SYCP2L: variants seen among roughly 807,000 people sequenced by gnomAD.
The protein encoded by SYCP2L is synaptonemal complex protein 2-like.
Under a neutral mutation model 125.8 loss-of-function variants are expected in SYCP2L, and 98 were observed. The observed-to-expected ratio is 0.78, with a 90% CI of 0.66 to 0.92. The LOEUF is 0.92. Ranked by LOEUF, SYCP2L falls within the 40% of genes least tolerant of loss-of-function variation. The pLI is 0.00. For missense variants in SYCP2L, 842 were observed against 936.4 expected (o/e 0.90, Z 1.32); for synonymous variants, 317 against 325.4 (o/e 0.97, Z 0.28).
At chr6:10,966,367 A>G (rs1185081337) in intron 29 of SYCP2L, among the ~76,000 whole-genome samples, 1 of 152,234 alleles carries the variant, frequency 6.6e-6, no homozygotes, top group Non-Finnish European at 1.5e-5. Flanking sequence ...GAATTTGCAT[A>G]AAACCTAATA....
At position 10,930,432 on chromosome 6, in the gene SYCP2L, A is replaced by C. The variant is rs754673484; in HGVS notation, c.1551A>C (p.Leu517=). The C allele has an allele frequency of 6.2e-7, 1 of 1,613,640 alleles. No homozygotes were observed. Among genetic ancestry groups the C allele is most frequent in the African/African-American group, 1.3e-5 (1 of 74,940 alleles). The change falls in exon 19 of 30, where the codon CTA becomes CTC. Residue 517 remains leucine, a synonymous_variant. Coordinates refer to ENST00000283141, the MANE Select transcript of SYCP2L (RefSeq NM_001040274.3). ...ESNQDSSTSE[L]SWTSNQKKKS... ...ATCAAGATTCAAGTACCAGTGAACT[A>C]TCTTGGACCAGTAACCAGAAAAAGA...
intron 1 of SYCP2L, 53 bp downstream of exon 1, chr6:10,887,188 G>A: frequency 1.2e-6 from 2 of 1,610,536 alleles, no homozygotes; most frequent in African/African-American, 1.3e-5. Flanking sequence ...TAGGGCGCGC[G>A]AGGGCGCGGG....
At chr6:10,955,289 T>C (rs1781483806) in intron 24 of SYCP2L, 72 bp downstream of exon 24, 3 of 937,388 alleles carry the variant, frequency 3.2e-6, no homozygotes, top group Middle Eastern at 2.1e-4. Context: ...TGTAACAACA[T>C]GAATCACAAG....
chr6:10,920,675 A>C (rs2113338459), intron 14 of SYCP2L, among the ~76,000 whole-genome samples: 1 of 152,252 alleles, frequency 6.6e-6, no homozygotes, highest in Middle Eastern at 3.4e-3. Flanking sequence ...CAGGTTTGTT[A>C]CATAGGTAAA....
At position 10,924,512 on chromosome 6, in the gene SYCP2L, G is replaced by A; in HGVS notation, c.1089G>A (p.Lys363=). The part of the protein sequence containing the change: ...NFSITETEKI[K]IFIIYLKKPM... ...TTCTCTTAGAAACGGAGAAGATAAA[G>A]ATATTTATCATTTACCTGAAGAAGC... The change falls in exon 15 of 30, where the codon AAG becomes AAA. Residue 363 remains lysine, a synonymous_variant. Transcript: ENST00000283141. 2 of 1,583,096 alleles carry A rather than the reference G, an allele frequency of 1.3e-6. No individual in the cohort carries two copies. The highest frequency in any genetic ancestry group is 1.7e-6 in the Non-Finnish European group (2 of 1,170,532).
rs1561685170 is a variant in SYCP2L, at chr6:10,912,804, G to C, written c.1011+39G>C. On this transcript the variant is annotated intron_variant, in intron 13 of 29. Transcript: ENST00000283141. The surrounding 1 kb of genome is among the most constrained non-coding windows in gnomAD (Gnocchi z 4.1). ...ATTCTTGGTTAGAACTAAGCCTTTA[G>C]AGATCTTTTTTATGTAAGTATGTGT... is the stretch of plus-strand genomic sequence containing the variant. The C allele has an allele frequency of 6.2e-7, 1 of 1,608,978 alleles. No homozygotes were observed. Among genetic ancestry groups the C allele is most frequent in the Admixed American group, 1.7e-5 (1 of 59,870 alleles).
rs758123953 is a variant in SYCP2L, at chr6:10,902,940, G to T, written c.618G>T (p.Leu206Phe). The T allele has an allele frequency of 9.9e-6, 16 of 1,613,970 alleles. No homozygotes were observed. The highest frequency in any genetic ancestry group is 1.1e-5 in the Non-Finnish European group (13 of 1,180,020). Reference protein sequence around the residue: ...VPREERKKFPLSEGMCHLMKD... With the variant: ...VPREERKKFPFSEGMCHLMKD... ...GAGAAGAGAGAAAAAAATTCCCTTT[G>T]TCAGAAGGCATGTGTCATCTTATGT... Residue 206 changes from leucine (L) to phenylalanine (F), a missense_variant, in exon 8 of 30, where the codon TTG becomes TTT. Leu to Phe is a conservative substitution (Grantham distance 22). Coordinates refer to ENST00000283141, the MANE Select transcript of SYCP2L (RefSeq NM_001040274.3).
At chr6:10,926,128 G>A (rs191466179) in intron 15 of SYCP2L, among the ~76,000 whole-genome samples, 82 of 152,336 alleles carry the variant, frequency 5.4e-4, no homozygotes, top group Non-Finnish European at 1.1e-3. Context: ...GCTTGGAGCA[G>A]GGGAATGGCT....
intron 21 of SYCP2L, among the ~76,000 whole-genome samples, chr6:10,937,651 A>G (rs922108011): frequency 2.6e-5 from 4 of 152,176 alleles, no homozygotes; most frequent in East Asian, 1.9e-4. Flanking sequence ...GTGTTTGGAA[A>G]GAATGAAATT....
rs747700983 is a variant in SYCP2L at position 10,927,217 on chromosome 6, A to G, written c.1313-23A>G. Reference sequence around the variant, plus strand: ...TCAGCGTGTGCACGGTTATTATATTAGTCTTTTTCTTAATTTGTATAGAGC... The same window carrying G: ...TCAGCGTGTGCACGGTTATTATATTGGTCTTTTTCTTAATTTGTATAGAGC... On this transcript the variant is annotated intron_variant, in intron 16 of 29. Coordinates refer to ENST00000283141, the MANE Select transcript of SYCP2L (RefSeq NM_001040274.3). 6.2e-6 allele frequency: 10 copies of G among 1,613,346 alleles called. No homozygotes were observed. The East Asian group carries it at 1.8e-4, about 29-fold the overall frequency.
At chr6:10,949,029 C>A in intron 23 of SYCP2L, among the ~76,000 whole-genome samples, 1 of 151,924 alleles carries the variant, frequency 6.6e-6, no homozygotes, top group East Asian at 1.9e-4. Flanking sequence ...TTATTTGTAT[C>A]TTTGACTCTT....
At position 10,930,437 on chromosome 6, in the gene SYCP2L, G is replaced by A; in HGVS notation, c.1556G>A (p.Trp519Ter). ...NQDSSTSELSWTSNQKKKSLK... is the reference protein window; with the variant it reads ...NQDSSTSELS The stretch of plus-strand genomic sequence containing the variant: ...GATTCAAGTACCAGTGAACTATCTT[G>A]GACCAGTAACCAGAAAAAGAAATCC... The change falls in exon 19 of 30, where the codon TGG (tryptophan) becomes TAG (stop). Residue 519 changes from tryptophan to a stop codon, truncating the protein, a stop_gained. Transcript: ENST00000283141. LOFTEE classifies it high-confidence loss of function. The A allele has an allele frequency of 1.2e-6, 2 of 1,613,624 alleles. No individual in the cohort carries two copies. The highest frequency in any genetic ancestry group is 1.7e-6 in the Non-Finnish European group (2 of 1,179,778).
At chr6:10,931,986 G>A (rs1438721362) in intron 20 of SYCP2L, among the ~76,000 whole-genome samples, 1 of 115,280 alleles carries the variant, frequency 8.7e-6, no homozygotes, top group African/African-American at 3.3e-5. Flanking sequence ...AAAAGATTGA[G>A]GGTCTTTTTT....
chr6:10,905,945 G>C, intron 8 of SYCP2L, 75 bp from the exon 9 acceptor site: 1 of 989,518 alleles, frequency 1.0e-6, no homozygotes, highest in Non-Finnish European at 1.5e-6. Flanking sequence ...TGGTTTTAAA[G>C]TTTAATGCTA....
At chr6:10,895,095 G>A (rs1262848493) in intron 4 of SYCP2L, among the ~76,000 whole-genome samples, 1 of 152,206 alleles carries the variant, frequency 6.6e-6, no homozygotes, top group African/African-American at 2.4e-5. Flanking sequence ...ATTAAGGACT[G>A]TGTTTATGCA....
intron 29 of SYCP2L, among the ~76,000 whole-genome samples, chr6:10,970,019 C>T (rs139427051): frequency 0.012 from 1,852 of 152,210 alleles, 18 homozygotes; most frequent in Non-Finnish European, 0.019. Flanking sequence ...TCCCTGACCT[C>T]ATGGTGTACA....
chr6:10,898,219 TAA>T (rs1216566093), intron 5 of SYCP2L, 104 bp downstream of exon 5: 1 of 885,162 alleles, frequency 1.1e-6, no homozygotes, highest in East Asian at 2.7e-5. Flanking sequence ...TAAGTTTTGT[TAA>T]AAGACTCACA....
At chr6:10,903,992 A>G (rs542225729) in intron 8 of SYCP2L, among the ~76,000 whole-genome samples, 37 of 152,302 alleles carry the variant, frequency 2.4e-4, no homozygotes, top group Non-Finnish European at 4.7e-4. Context: ...CCAGCTGTCT[A>G]TGAGCACAGC....
intron 4 of SYCP2L, 53 bp from the exon 5 acceptor site, chr6:10,897,958 T>TCGAA: frequency 8.7e-7 from 1 of 1,142,942 alleles, no homozygotes; most frequent in Non-Finnish European, 1.3e-6. Flanking sequence ...TGCAATTTTA[T>TCGAA]TGAATAGGCA....
Sources: allele counts gnomAD v4.1 joint callset (sites outside exome capture counted in the v4.1 genomes callset), GRCh38; gene constraint gnomAD v4.1.1; non-coding constraint Gnocchi (gnomAD v3.1); transcripts MANE v1.5; gene names NCBI Gene and HGNC (gene_info 2026-07-23, HGNC 2026-07-21).